Variants in DUSP5 observed in about 807,000 individuals in gnomAD.
DUSP5 encodes the protein dual specificity phosphatase 5.
DUSP5 carries 22 observed loss-of-function variants against 33.6 expected under a neutral mutation model. That is an observed-to-expected ratio of 0.66 (90% CI 0.47 to 0.94). DUSP5 has a LOEUF of 0.94. Ranked by LOEUF, DUSP5 falls within the 40% of genes least tolerant of loss-of-function variation. The probability of loss-of-function intolerance (pLI) is 0.00; values close to 1 mark genes in which losing one functional copy is unlikely to be tolerated. For synonymous variants in DUSP5, 270 were observed against 231.1 expected (o/e 1.17, Z -1.53); for missense variants, 551 against 522.1 (o/e 1.06, Z -0.54).
In DUSP5 at chr10:110,510,073, T is replaced by TC; in HGVS notation, c.805dup (p.Arg269ProfsTer48). 4 of 1,613,616 alleles carry TC rather than the reference T, an allele frequency of 2.5e-6. No individual in the cohort carries two copies. The highest frequency in any genetic ancestry group is 3.4e-6 in the Non-Finnish European group (4 of 1,179,630). ...CCTGGTCCACTGTGAGGCTGGGATC[T>TC]CCCGTTCACCCACCATCTGCATGGC... is the stretch of plus-strand genomic sequence containing the variant. On this transcript the variant is annotated frameshift_variant, in exon 4 of 4. Transcript: ENST00000369583. LOFTEE classifies it high-confidence loss of function.
Position 110,501,565 on chromosome 10 carries a change from A to C in DUSP5, c.380-1156A>C, listed in dbSNP as rs530542196. Among the ~76,000 whole-genome samples, 28 of 152,286 alleles carry C rather than the reference A, an allele frequency of 1.8e-4. No homozygotes were observed. In the East Asian group the frequency reaches 4.6e-3, roughly 25 times the overall value. On this transcript the variant is annotated intron_variant, in intron 1 of 3. Coordinates refer to ENST00000369583, the MANE Select transcript of DUSP5 (RefSeq NM_004419.4). ...AAAAAAGCCAGCATCACAACACCCA[A>C]AGTCAGAAAAGAAAAAGGGGGTTCT...
At chr10:110,508,207 C>T (rs749527616) in intron 3 of DUSP5, among the ~76,000 whole-genome samples, 2 of 152,184 alleles carry the variant, frequency 1.3e-5, no homozygotes, top group African/African-American at 4.8e-5. Flanking sequence ...CGAGCCTGTC[C>T]TGCTTGTCCC....
In DUSP5 at chr10:110,502,807, G is replaced by T; in HGVS notation, c.466G>T (p.Ala156Ser). Residue 156 changes from alanine (A) to serine (S), a missense_variant, in exon 2 of 4, where the codon GCC becomes TCC. Physicochemically the swap from Ala to Ser is moderately conservative, Grantham distance 99. Transcript: ENST00000369583. The part of the protein sequence containing the change: ...ISQEKIESER[A>S]LISQCGKPVV... Reference sequence around the variant, plus strand: ...ACAAGAGAAGATTGAGAGTGAGAGAGCCCTCATCAGCCAGTGTGGAAAACC... The same window carrying T: ...ACAAGAGAAGATTGAGAGTGAGAGATCCCTCATCAGCCAGTGTGGAAAACC... The T allele has an allele frequency of 1.2e-6, 2 of 1,614,166 alleles. No individual in the cohort carries two copies. The highest frequency in any genetic ancestry group is 1.7e-6 in the Non-Finnish European group (2 of 1,180,036).
chr10:110,507,919 G>T (rs978938255), intron 3 of DUSP5, among the ~76,000 whole-genome samples: 2 of 152,112 alleles, frequency 1.3e-5, no homozygotes, highest in African/African-American at 4.8e-5. Flanking sequence ...TTCTGTTTCA[G>T]ATTTGCAAGT....
At position 110,511,078 on chromosome 10, in the gene DUSP5, G is replaced by C. The variant is rs1458810735; in HGVS notation, c.*652G>C. On this transcript the variant is annotated 3_prime_UTR_variant, in exon 4 of 4. Coordinates refer to ENST00000369583, the MANE Select transcript of DUSP5 (RefSeq NM_004419.4). ...GGGTTCTTCACTGACCTTGGACTTT[G>C]GCATGATTCTTAGTCATACTTGAAC... is the stretch of plus-strand genomic sequence containing the variant. 1.3e-5 allele frequency: 2 copies of C among 152,606 alleles called. No individual in the cohort carries two copies. The highest frequency in any genetic ancestry group is 2.9e-5 in the Non-Finnish European group (2 of 68,042). 9.5% of individuals were successfully genotyped at this position (152,606 alleles called of 1,614,324 possible).
chr10:110,504,906 A>G (rs1860099377), intron 2 of DUSP5, among the ~76,000 whole-genome samples: 1 of 152,264 alleles, frequency 6.6e-6, no homozygotes, highest in East Asian at 1.9e-4. Context: ...ACAAAGGGTC[A>G]TAGATTAAAG....
chr10:110,503,814 C>G (rs773253338), intron 2 of DUSP5, among the ~76,000 whole-genome samples: 1 of 152,362 alleles, frequency 6.6e-6, no homozygotes, highest in Middle Eastern at 3.4e-3. Context: ...ATCTAGACAC[C>G]TGACCTGGTG....
chr10:110,501,215 G>T (rs1860043074), intron 1 of DUSP5, among the ~76,000 whole-genome samples: 1 of 152,210 alleles, frequency 6.6e-6, no homozygotes, highest in South Asian at 2.1e-4. Flanking sequence ...TTGACTGCTG[G>T]AAGGGAAGGG....
chr10:110,503,443 C>T (rs1283075978), intron 2 of DUSP5: 3 of 152,114 alleles, frequency 2.0e-5, no homozygotes, highest in African/African-American at 4.8e-5. Flanking sequence ...ATAACTGAAA[C>T]CAGAGGAAAT....
In DUSP5 at chr10:110,510,448, C is replaced by T; in HGVS notation, c.*22C>T. On this transcript the variant is annotated 3_prime_UTR_variant, in exon 4 of 4. Coordinates refer to ENST00000369583, the MANE Select transcript of DUSP5 (RefSeq NM_004419.4). ...CTAAAACTGGGATGGAGGAATCGGCCCAGCCCCAAGAGCAACTGTGATTTT... is the reference window on the plus strand; with the variant it reads ...CTAAAACTGGGATGGAGGAATCGGCTCAGCCCCAAGAGCAACTGTGATTTT... 6.5e-7 allele frequency: 1 copy of T among 1,539,922 alleles called. No homozygotes were observed. The highest frequency in any genetic ancestry group is 8.8e-7 in the Non-Finnish European group (1 of 1,140,284).
At chr10:110,501,433 G>T (rs867980896) in intron 1 of DUSP5, among the ~76,000 whole-genome samples, 56 of 152,290 alleles carry the variant, frequency 3.7e-4, no homozygotes, top group Middle Eastern at 6.8e-3. Context: ...GAGCTGAGAG[G>T]AAGCGGTAAT....
chr10:110,498,563 C>T, intron 1 of DUSP5, 63 bp downstream of exon 1: 1 of 1,369,640 alleles, frequency 7.3e-7, no homozygotes, highest in South Asian at 1.6e-5. Context: ...CTCCCTGCGC[C>T]GGGGCGCCCT....
At position 110,502,875 on chromosome 10, in the gene DUSP5, T is replaced by A. The variant is rs1257571574; in HGVS notation, c.528+6T>A. 1.9e-6 allele frequency: 3 copies of A among 1,613,988 alleles called. No individual in the cohort carries two copies. Among genetic ancestry groups the A allele is most frequent in the Non-Finnish European group, 2.5e-6 (3 of 1,180,018 alleles). ...ACAGGCCAGCTTATGACCAGGTACG[T>A]GATGTGATGGGGAAGAGGTATCCTG... On this transcript the variant is annotated splice_donor_region_variant and intron_variant, in intron 2 of 3. Transcript: ENST00000369583.
In DUSP5 at chr10:110,498,301, G is replaced by A; in HGVS notation, c.180G>A (p.Val60=). 6.9e-7 allele frequency: 1 copy of A among 1,439,490 alleles called. No individual in the cohort carries two copies. The highest frequency in any genetic ancestry group is 9.2e-7 in the Non-Finnish European group (1 of 1,091,762). 89.2% of individuals were successfully genotyped at this position (1,439,490 alleles called of 1,614,324 possible). Residue 60 remains valine (V), a synonymous_variant, in exon 1 of 4, where the codon GTG becomes GTA. Coordinates refer to ENST00000369583, the MANE Select transcript of DUSP5 (RefSeq NM_004419.4). The part of the protein sequence containing the change: ...VVLRRARGGA[V]SARYVLPDEA... Reference sequence around the variant, plus strand: ...TGCGGCGGGCCCGGGGCGGCGCGGTGTCGGCGCGCTACGTGCTGCCCGACG... The same window carrying A: ...TGCGGCGGGCCCGGGGCGGCGCGGTATCGGCGCGCTACGTGCTGCCCGACG...
intron 3 of DUSP5, among the ~76,000 whole-genome samples, chr10:110,508,636 A>G (rs1564774487): frequency 6.6e-6 from 1 of 151,970 alleles, no homozygotes; most frequent in Non-Finnish European, 1.5e-5. Flanking sequence ...GAGGCAATAC[A>G]CTCTGGACCC....
chr10:110,503,642 C>T (rs1860084093), intron 2 of DUSP5, among the ~76,000 whole-genome samples: 1 of 152,206 alleles, frequency 6.6e-6, no homozygotes, highest in African/African-American at 2.4e-5. Context: ...CAAAACCTAA[C>T]CATTTTACGG....
At chr10:110,506,875 C>G in intron 2 of DUSP5, 60 bp from the exon 3 acceptor site, 1 of 1,556,428 alleles carries the variant, frequency 6.4e-7, no homozygotes, top group Non-Finnish European at 8.8e-7. Flanking sequence ...TTGTTTTTTC[C>G]TCTCTCAAAT....
intron 1 of DUSP5, among the ~76,000 whole-genome samples, chr10:110,499,420 G>T (rs779265336): frequency 2.0e-5 from 3 of 152,314 alleles, no homozygotes; most frequent in South Asian, 4.1e-4. Context: ...ATGACACCCG[G>T]GGAGACCTGA....
intron 2 of DUSP5, among the ~76,000 whole-genome samples, chr10:110,505,843 A>G (rs1299269761): frequency 1.3e-5 from 2 of 152,084 alleles, no homozygotes; most frequent in South Asian, 2.1e-4. Flanking sequence ...CTCAAGGTGG[A>G]TGGTCTCTGG....
Sources: gnomAD v4.1 joint callset for allele counts (sites outside exome capture counted in the v4.1 genomes callset) on GRCh38, gnomAD v4.1.1 for gene constraint, MANE v1.5 for transcripts, NCBI Gene and HGNC (gene_info 2026-07-23, HGNC 2026-07-21) for gene names.